ELFN2: variants seen among roughly 807,000 people sequenced by gnomAD.
ELFN2 encodes the protein protein phosphatase 1 regulatory subunit 29.
Under a neutral mutation model 45.5 loss-of-function variants are expected in ELFN2, and 17 were observed. That is an observed-to-expected ratio of 0.37 (90% CI 0.26 to 0.56). ELFN2 has a LOEUF of 0.56. Among genes scored for constraint, ELFN2 ranks in the 20% least tolerant of loss-of-function variants. The pLI, the probability that ELFN2 is intolerant of heterozygous loss-of-function variation, is 0.77. For missense variants in ELFN2, 922 were observed against 1,183.2 expected (o/e 0.78, Z 3.24); for synonymous variants, 550 against 551.5 (o/e 1.00, Z 0.04).
At chr22:37,401,102 G>A (rs1005767516) in intron 2 of ELFN2, among the ~76,000 whole-genome samples, 3 of 152,206 alleles carry the variant, frequency 2.0e-5, no homozygotes, top group Non-Finnish European at 2.9e-5. Flanking sequence ...CGGAACATGC[G>A]GGGGCCGTGG....
At chr22:37,394,818 C>G (rs886284675) in intron 2 of ELFN2, among the ~76,000 whole-genome samples, 1 of 152,068 alleles carries the variant, frequency 6.6e-6, no homozygotes, top group Non-Finnish European at 1.5e-5. Flanking sequence ...AGATAAAGAT[C>G]GTCAGGCCAG....
Position 37,374,446 on chromosome 22 carries a change from C to G in ELFN2, c.1089G>C (p.Ser363=), listed in dbSNP as rs1931497889. Residue 363 remains serine (S), a synonymous_variant, in exon 3 of 3, where the codon TCG becomes TCC. Transcript: ENST00000402918. The part of the protein sequence containing the change: ...AHTEYTFCVT[S]LRNSRRFNHT... ...GGTTGAAGCGGCGGCTGTTGCGCAG[C>G]GAGGTCACGCAGAAGGTGTACTCAG... is the stretch of plus-strand genomic sequence containing the variant. The G allele has an allele frequency of 1.2e-6, 2 of 1,613,910 alleles. No homozygotes were observed. Among genetic ancestry groups the G allele is most frequent in the East Asian group, 2.2e-5 (1 of 44,900 alleles).
rs117578600 is a variant in ELFN2 at position 37,353,273 on chromosome 22, G to C, written n.149-10570C>G. The C allele has an allele frequency of 9.7e-3, 1,468 of 151,234 alleles. 93 individuals are homozygous for C. Among genetic ancestry groups the C allele is most frequent in the Non-Finnish European group, 0.015 (993 of 67,384 alleles). 9.4% of individuals were successfully genotyped at this position (151,234 alleles called of 1,614,324 possible). The stretch of plus-strand genomic sequence containing the variant: ...TCCTCAGGGAAAGGGGAGCGGAGGA[G>C]CAGAGTCCCTCATGGGGTCTAGTCC... On this transcript the variant is annotated intron_variant and non_coding_transcript_variant, in intron 1 of 2. Coordinates refer to ENST00000452946, the Ensembl canonical transcript of ELFN2.
At chr22:37,391,413 C>T (rs894299728) in intron 2 of ELFN2, among the ~76,000 whole-genome samples, 2 of 152,150 alleles carry the variant, frequency 1.3e-5, no homozygotes, top group Non-Finnish European at 2.9e-5. Context: ...AGAGCCACCA[C>T]GCACAGGGCC....
At chr22:37,351,266 C>T (rs1930814593) in intron 1 of ELFN2, among the ~76,000 whole-genome samples, 1 of 149,816 alleles carries the variant, frequency 6.7e-6, no homozygotes, top group Admixed American at 6.6e-5. Context: ...TAGTCCCTCA[C>T]TCCTCTCCTC....
intron 2 of ELFN2, among the ~76,000 whole-genome samples, chr22:37,391,348 T>C (rs753557840): frequency 3.9e-5 from 6 of 152,002 alleles, no homozygotes; most frequent in Admixed American, 3.9e-4. Context: ...CCCGGCACCG[T>C]CCCAGTAGGC....
At chr22:37,399,516 A>C (rs939425266) in intron 2 of ELFN2, among the ~76,000 whole-genome samples, 1 of 143,346 alleles carries the variant, frequency 7.0e-6, no homozygotes, top group Non-Finnish European at 1.5e-5. Context: ...CACGGGGACC[A>C]CCAGCCCACC....
In ELFN2 at chr22:37,425,859, GCACATA is replaced by G. The variant is rs1270328941; in HGVS notation, c.-614+1433_-614+1438del. Reference sequence around the variant, plus strand: ...CCACGAGAACAGGGGTGTCAGCCATGCACATACACATACACACACACACACACACAC... The same window carrying G: ...CCACGAGAACAGGGGTGTCAGCCATGCACATACACACACACACACACACAC... On this transcript the variant is annotated intron_variant, in intron 1 of 2. Transcript: ENST00000402918. Among the ~76,000 whole-genome samples the G allele has an allele frequency of 6.7e-5, 7 of 104,050 alleles. No homozygotes were observed. In the East Asian group the frequency reaches 1.7e-3, roughly 25 times the overall value. The allele number at this position is 104,050 out of a possible 152,430, so 68.3% of individuals were successfully genotyped here.
At chr22:37,379,975 G>C (rs1931704817) in intron 2 of ELFN2, among the ~76,000 whole-genome samples, 1 of 152,190 alleles carries the variant, frequency 6.6e-6, no homozygotes, top group Non-Finnish European at 1.5e-5. Context: ...CTCTGTGAAT[G>C]ACAGCCGCTG....
intron 2 of ELFN2, among the ~76,000 whole-genome samples, chr22:37,382,752 A>C (rs2145647304): frequency 6.6e-6 from 1 of 152,162 alleles, no homozygotes; most frequent in South Asian, 2.1e-4. Flanking sequence ...GGGTTTCACC[A>C]CGTTGCCCAG....
chr22:37,400,015 A>C (rs1299590620), intron 2 of ELFN2, among the ~76,000 whole-genome samples: 3 of 152,222 alleles, frequency 2.0e-5, no homozygotes, highest in Non-Finnish European at 4.4e-5. Flanking sequence ...AGGCTGCTGC[A>C]GGGTGAGGCC....
chr22:37,360,540 C>T lies in ELFN2; in HGVS notation n.149-17837G>A, dbSNP rs80295214. 8.8e-3 allele frequency among the ~76,000 whole-genome samples: 1,333 copies of T among 152,300 alleles called. 6 individuals are homozygous for T. Among genetic ancestry groups the T allele is most frequent in the Non-Finnish European group, 0.015 (1,033 of 68,020 alleles). ...TCCTCCAGTTAAGAGCCGTGGACCA[C>T]GTACCTCTGTACACCCCACGCCACC... On this transcript the variant is annotated intron_variant and non_coding_transcript_variant, in intron 1 of 2. Transcript: ENST00000452946.
exon 1 of ELFN2, chr22:37,427,478 ACGCCGCCGCCCCCTCCTCCC>A (rs1292884557): frequency 6.6e-6 from 1 of 152,080 alleles, no homozygotes; most frequent in Non-Finnish European, 1.5e-5. Context: ...GTGCGCGCAG[ACGCCGCCGCCCCCTCCTCCC>A]CGCCGCCGCG....
At chr22:37,353,446 C>T (rs1459097266) in intron 1 of ELFN2, 1 of 151,128 alleles carries the variant, frequency 6.6e-6, no homozygotes, top group Non-Finnish European at 1.5e-5. Context: ...CCTTCTATTA[C>T]CTAGGCCTGG....
At chr22:37,381,955 CAAAAAAAAAAAAAAA>C (rs1159476533) in intron 2 of ELFN2, among the ~76,000 whole-genome samples, 22 of 59,236 alleles carry the variant, frequency 3.7e-4, no homozygotes, top group African/African-American at 5.0e-4. Context: ...GACTCCGTCT[CAAAAAAAAAAAAAAA>C]AAAAAAAAAA....
At position 37,375,308 on chromosome 22, in the gene ELFN2, T is replaced by C. The variant is rs151050985; in HGVS notation, c.227A>G (p.Asn76Ser). The C allele has an allele frequency of 4.9e-4, 786 of 1,613,940 alleles. 5 individuals are homozygous for C. The African/African-American group carries it at 9.6e-3, about 20-fold the overall frequency. ...KLKAVLYSSL[N>S]RFGNLTDLNL... ...GAGGTCGGTGAGGTTCCCAAAGCGG[T>C]TGAGCGAGGAGTAGAGCACGGCTTT... The change falls in exon 3 of 3, where the codon AAC (asparagine) becomes AGC (serine). Residue 76 changes from asparagine (N) to serine (S), a missense_variant. Physicochemically the swap from Asn to Ser is conservative, Grantham distance 46. Around this residue, in one of 2 missense-constraint regions of ELFN2, gnomAD observed 358 missense variants for 540.4 expected, o/e 0.66. Transcript: ENST00000402918.
intron 2 of ELFN2, among the ~76,000 whole-genome samples, chr22:37,394,409 C>A (rs1569138125): frequency 6.6e-6 from 1 of 152,224 alleles, no homozygotes; most frequent in Non-Finnish European, 1.5e-5. Flanking sequence ...AGTTCCCAGG[C>A]TAAAGCCAGA....
At chr22:37,344,472 C>G (rs1231854065) in intron 1 of ELFN2, among the ~76,000 whole-genome samples, 1 of 152,134 alleles carries the variant, frequency 6.6e-6, no homozygotes, top group South Asian at 2.1e-4. Context: ...GGAGGGGCAG[C>G]AAGACCCAGG....
At chr22:37,419,577 C>G (rs186936086) in intron 1 of ELFN2, among the ~76,000 whole-genome samples, 1 of 152,140 alleles carries the variant, frequency 6.6e-6, no homozygotes, top group East Asian at 1.9e-4. Flanking sequence ...GACGCACAAA[C>G]CAGGGGCACC....
Sources: allele counts gnomAD v4.1 joint callset (sites outside exome capture counted in the v4.1 genomes callset), GRCh38; gene constraint gnomAD v4.1.1; regional missense constraint gnomAD v4.1.1; transcripts MANE v1.5; gene names NCBI Gene and HGNC (gene_info 2026-07-23, HGNC 2026-07-21).